Variants in SOX5 observed in about 807,000 individuals in gnomAD.
The protein encoded by SOX5 is SRY-box transcription factor 5.
A neutral mutation model predicts 92.0 loss-of-function variants in SOX5; 9 were observed. The ratio of observed to expected loss-of-function variants is 0.10; its 90% CI spans 0.06 to 0.17. The LOEUF (loss-of-function observed/expected upper bound fraction) is 0.17. SOX5 is among the 10% of genes least tolerant of loss of function. The pLI, the probability that SOX5 is intolerant of heterozygous loss-of-function variation, is 1.00. For missense variants in SOX5, 642 were observed against 944.5 expected, an observed-to-expected ratio of 0.68 and a Z score of 4.20; for synonymous variants, 344 against 336.3, an observed-to-expected ratio of 1.02 and a Z score of -0.25.
intron 6 of SOX5, among the ~76,000 whole-genome samples, chr12:23,666,284 A>G (rs2083787726): frequency 6.6e-6 from 1 of 152,066 alleles, no homozygotes; most frequent in Admixed American, 6.6e-5. Flanking sequence ...GACTCCTTAG[A>G]CCACAGGGTC....
At chr12:23,647,095 A>G (rs2080952490) in intron 7 of SOX5, among the ~76,000 whole-genome samples, 1 of 152,224 alleles carries the variant, frequency 6.6e-6, no homozygotes, top group Non-Finnish European at 1.5e-5. Flanking sequence ...CTAAAATAAT[A>G]GGGCTTGAAA....
chr12:24,508,645 G>A (rs1332304192), intron 1 of SOX5, among the ~76,000 whole-genome samples: 1 of 152,138 alleles, frequency 6.6e-6, no homozygotes, highest in African/African-American at 2.4e-5. Flanking sequence ...AAGAATGGAT[G>A]GAATCATTCA....
At chr12:24,352,028 T>C (rs1228064468) in intron 2 of SOX5, among the ~76,000 whole-genome samples, 1 of 152,220 alleles carries the variant, frequency 6.6e-6, no homozygotes, top group African/African-American at 2.4e-5. Context: ...GAGCTGCCTA[T>C]TGAAGGCAAT....
intron 1 of SOX5, among the ~76,000 whole-genome samples, chr12:24,401,708 TAAAAAAAAAAAAAAAA>T (rs71063321): frequency 1.0e-5 from 1 of 99,462 alleles, no homozygotes; most frequent in East Asian, 2.8e-4. Context: ...ACCCTATCTT[TAAAAAAAAAAAAAAAA>T]AAAAAAAAAA....
Position 24,061,268 on chromosome 12 carries a change from G to T in SOX5, c.-2+152075C>A, listed in dbSNP as rs185898896. On this transcript the variant is annotated intron_variant, in intron 4 of 4. Transcript: ENST00000446891. ...GGGGACAAATTTTAAGGATCCATAAGTATCCCGTAAGTATTAAGTATTAAG... is the reference window on the plus strand; with the variant it reads ...GGGGACAAATTTTAAGGATCCATAATTATCCCGTAAGTATTAAGTATTAAG... Among the ~76,000 whole-genome samples the T allele has an allele frequency of 2.9e-3, 447 of 152,242 alleles. 3 individuals carry two copies. Among genetic ancestry groups the T allele is most frequent in the Non-Finnish European group, 5.0e-3 (337 of 68,006 alleles).
At chr12:23,805,782 C>T (rs2095759373) in intron 3 of SOX5, among the ~76,000 whole-genome samples, 1 of 152,070 alleles carries the variant, frequency 6.6e-6, no homozygotes, top group Non-Finnish European at 1.5e-5. Context: ...AAAGTTTTAG[C>T]AATCAGAAAA....
chr12:24,479,075 T>G (rs140297404), intron 1 of SOX5, among the ~76,000 whole-genome samples: 16 of 152,350 alleles, frequency 1.1e-4, no homozygotes, highest in African/African-American at 3.1e-4. Flanking sequence ...CTTCTCATTG[T>G]TCCCATCAAA....
At chr12:24,283,664 T>C (rs976182731) in intron 2 of SOX5, among the ~76,000 whole-genome samples, 1 of 152,242 alleles carries the variant, frequency 6.6e-6, no homozygotes, top group African/African-American at 2.4e-5. Flanking sequence ...AGCGATATCT[T>C]ACATGTTAAT....
intron 3 of SOX5, among the ~76,000 whole-genome samples, chr12:24,271,240 G>A (rs914286739): frequency 6.6e-6 from 1 of 152,128 alleles, no homozygotes; most frequent in African/African-American, 2.4e-5. Flanking sequence ...CTCATTAAGA[G>A]TTTATGTTGT....
chr12:23,624,776 C>T (rs1395883553), intron 8 of SOX5, among the ~76,000 whole-genome samples: 2 of 152,156 alleles, frequency 1.3e-5, no homozygotes, highest in Non-Finnish European at 2.9e-5. Flanking sequence ...CAGAATTGTA[C>T]ATCCAAAATA....
intron 6 of SOX5, among the ~76,000 whole-genome samples, chr12:23,722,227 C>T (rs867170360): frequency 2.2e-4 from 34 of 152,236 alleles, no homozygotes; most frequent in Middle Eastern, 3.4e-3. Flanking sequence ...AGTCTCAAAA[C>T]TATGTTTAAA....
intron 3 of SOX5, among the ~76,000 whole-genome samples, chr12:23,831,912 A>G (rs1291347604): frequency 6.6e-6 from 1 of 151,552 alleles, no homozygotes; most frequent in Non-Finnish European, 1.5e-5. Flanking sequence ...TGACAGATAC[A>G]GATGCTAAAT....
At chr12:23,981,586 T>C (rs779281175) in intron 4 of SOX5, among the ~76,000 whole-genome samples, 18 of 152,182 alleles carry the variant, frequency 1.2e-4, no homozygotes, top group Non-Finnish European at 1.9e-4. Flanking sequence ...TGGTTTTAGT[T>C]TCTGGTTGAT....
chr12:24,458,642 G>T (rs986255517), intron 1 of SOX5, among the ~76,000 whole-genome samples: 2 of 152,134 alleles, frequency 1.3e-5, no homozygotes, highest in East Asian at 1.9e-4. Flanking sequence ...ACTAAACAAA[G>T]TGTGATCTGG....
At position 24,523,915 on chromosome 12, in the gene SOX5, G is replaced by A. The variant is rs181507238; in HGVS notation, c.-251+38414C>T. ...AGTGGGACTATATCAAATAGCTTCC[G>A]TGCAGCATAAGAAGACAATCAAAGA... On this transcript the variant is annotated intron_variant, in intron 1 of 4. Transcript: ENST00000446891. 1.2e-4 allele frequency among the ~76,000 whole-genome samples: 19 copies of A among 152,314 alleles called. No homozygotes were observed. In the East Asian group the frequency reaches 1.7e-3, roughly 14 times the overall value.
At chr12:23,752,737 G>T (rs1346114973) in intron 4 of SOX5, among the ~76,000 whole-genome samples, 1 of 151,882 alleles carries the variant, frequency 6.6e-6, no homozygotes, top group Non-Finnish European at 1.5e-5. Flanking sequence ...AAAAGAATCT[G>T]TAAACTGACC....
chr12:24,378,272 C>G (rs530620269), intron 1 of SOX5, among the ~76,000 whole-genome samples: 1 of 152,300 alleles, frequency 6.6e-6, no homozygotes, highest in Non-Finnish European at 1.5e-5. Context: ...AAGGAGATTC[C>G]ATATATTAAT....
At chr12:24,216,890 T>C (rs1027621791) in intron 3 of SOX5, among the ~76,000 whole-genome samples, 3 of 152,202 alleles carry the variant, frequency 2.0e-5, no homozygotes, top group Non-Finnish European at 4.4e-5. Context: ...ATCACACCAC[T>C]GCACTCCGGC....
At chr12:24,342,761 G>A (rs1952729498) in intron 2 of SOX5, among the ~76,000 whole-genome samples, 1 of 152,180 alleles carries the variant, frequency 6.6e-6, no homozygotes, top group South Asian at 2.1e-4. Flanking sequence ...CAACCAGAGT[G>A]ATCTATCAAG....
Sources: allele counts gnomAD v4.1 joint callset (sites outside exome capture counted in the v4.1 genomes callset), GRCh38; gene constraint gnomAD v4.1.1; transcripts MANE v1.5; gene names NCBI Gene and HGNC (gene_info 2026-07-23, HGNC 2026-07-21).